The following UBAC2 variants were observed in gnomAD, a reference collection of about 807,000 sequenced individuals.
The protein encoded by UBAC2 is UBA domain containing 2, also known as ubiquitin-associated domain-containing protein 2.
In UBAC2, 26 loss-of-function variants were observed where a neutral mutation model predicts 44.0. The ratio of observed to expected loss-of-function variants is 0.59; its 90% CI spans 0.43 to 0.82. UBAC2 has a LOEUF of 0.82. Among genes scored for constraint, UBAC2 ranks in the 40% least tolerant of loss-of-function variants. The pLI, the probability that UBAC2 is intolerant of heterozygous loss-of-function variation, is 0.00. For synonymous variants in UBAC2, 155 were observed against 154.3 expected (o/e 1.00, Z -0.04); for missense variants, 329 against 419.4 (o/e 0.78, Z 1.88).
At chr13:99,269,511 A>T (rs1226130066) in intron 4 of UBAC2, among the ~76,000 whole-genome samples, 3 of 152,166 alleles carry the variant, frequency 2.0e-5, no homozygotes, top group Admixed American at 6.5e-5. Flanking sequence ...TTGCTTTCTT[A>T]TAAGCAAGGG....
intron 4 of UBAC2, among the ~76,000 whole-genome samples, chr13:99,294,071 G>C (rs1043914227): frequency 6.6e-6 from 1 of 152,108 alleles, no homozygotes; most frequent in African/African-American, 2.4e-5. Flanking sequence ...ATATTGTAAA[G>C]AATCCTAAGA....
intron 6 of UBAC2, among the ~76,000 whole-genome samples, chr13:99,322,163 G>T (rs941764453): frequency 6.6e-6 from 1 of 152,178 alleles, no homozygotes; most frequent in Non-Finnish European, 1.5e-5. Context: ...CGTATCAACT[G>T]TTCTTCTAGA....
At chr13:99,365,056 T>A (rs549532119) in intron 7 of UBAC2, among the ~76,000 whole-genome samples, 1 of 152,354 alleles carries the variant, frequency 6.6e-6, no homozygotes, top group African/African-American at 2.4e-5. Flanking sequence ...TTCTCTAGAA[T>A]AAGTTTTAAT....
chr13:99,358,682 G>A (rs1566520829), intron 7 of UBAC2, among the ~76,000 whole-genome samples: 1 of 152,174 alleles, frequency 6.6e-6, no homozygotes, highest in Non-Finnish European at 1.5e-5. Flanking sequence ...AGCCACCCCG[G>A]CCATGGACTG....
At chr13:99,214,240 T>C (rs1264411657) in intron 1 of UBAC2, among the ~76,000 whole-genome samples, 84 of 148,642 alleles carry the variant, frequency 5.7e-4, no homozygotes, top group Non-Finnish European at 9.1e-4. Context: ...TTTTTTTTTT[T>C]CCTGGAATCC....
chr13:99,248,843 A>C (rs1464982868), intron 4 of UBAC2, among the ~76,000 whole-genome samples: 1 of 152,082 alleles, frequency 6.6e-6, no homozygotes, highest in Non-Finnish European at 1.5e-5. Context: ...TCATTTCCTG[A>C]TGATTTATAG....
At chr13:99,205,168 C>G (rs1433225995) in intron 1 of UBAC2, among the ~76,000 whole-genome samples, 1 of 152,152 alleles carries the variant, frequency 6.6e-6, no homozygotes, top group Non-Finnish European at 1.5e-5. Flanking sequence ...TCCCAGAGTG[C>G]TGGGATTATA....
chr13:99,317,651 ATGGTGAT>A (rs1326173564), intron 5 of UBAC2, among the ~76,000 whole-genome samples: 2 of 152,214 alleles, frequency 1.3e-5, no homozygotes, highest in Non-Finnish European at 2.9e-5. Flanking sequence ...CAAGCATGGG[ATGGTGAT>A]TACCTGTTTT....
intron 1 of UBAC2, among the ~76,000 whole-genome samples, chr13:99,217,566 C>T (rs2043011130): frequency 6.6e-6 from 1 of 152,186 alleles, no homozygotes. Flanking sequence ...GGTCCTTGAA[C>T]ACAGGGAGGC....
chr13:99,343,993 A>C (rs1190939329), intron 7 of UBAC2, among the ~76,000 whole-genome samples: 1 of 152,206 alleles, frequency 6.6e-6, no homozygotes, highest in Non-Finnish European at 1.5e-5. Flanking sequence ...AGGTGTAAAA[A>C]AGATAGCCCC....
At chr13:99,365,649 G>T (rs1224107840) in intron 7 of UBAC2, among the ~76,000 whole-genome samples, 3 of 151,768 alleles carry the variant, frequency 2.0e-5, no homozygotes, top group East Asian at 3.9e-4. Context: ...TTATGATTTG[G>T]TATTTGTGAA....
chr13:99,295,024 C>T lies in UBAC2; in HGVS notation c.390-19073C>T, dbSNP rs1745681482. ...GGGAAGTCCTGCAAAGTTTGTCATA[C>T]AGTTTACGTCACTATAAACCAAAAT... On this transcript the variant is annotated intron_variant, in intron 4 of 8. Transcript: ENST00000403766. This position sits in a 1 kb window ranked among gnomAD's most constrained non-coding sequence, Gnocchi z 4.1. The T allele has an allele frequency of 1.3e-6, 2 of 1,565,350 alleles. No individual in the cohort carries two copies. Among genetic ancestry groups the T allele is most frequent in the Non-Finnish European group, 1.7e-6 (2 of 1,157,322 alleles).
intron 7 of UBAC2, among the ~76,000 whole-genome samples, chr13:99,364,773 C>A (rs1015865216): frequency 6.6e-6 from 1 of 152,154 alleles, no homozygotes; most frequent in Admixed American, 6.5e-5. Context: ...CATATTGTTG[C>A]ATGTCATTCT....
chr13:99,255,165 C>T lies in UBAC2; in HGVS notation c.389+10541C>T, dbSNP rs376966351. 1.9e-5 allele frequency: 30 copies of T among 1,613,898 alleles called. No individual in the cohort carries two copies. In the African/African-American group the frequency reaches 2.9e-4, roughly 16 times the overall value. ...AGCAGACGAGCACCTGCACCAGCAGCGTGATGATGATCCTTATGGACTTCT... is the reference window on the plus strand; with the variant it reads ...AGCAGACGAGCACCTGCACCAGCAGTGTGATGATGATCCTTATGGACTTCT... On this transcript the variant is annotated intron_variant, in intron 4 of 8. Transcript: ENST00000403766.
intron 2 of UBAC2, among the ~76,000 whole-genome samples, chr13:99,242,186 C>T (rs2043310256): frequency 1.3e-5 from 2 of 152,354 alleles, no homozygotes; most frequent in South Asian, 2.1e-4. Context: ...TTTTCCCCAC[C>T]TTTCCCCCCC....
intron 8 of UBAC2, among the ~76,000 whole-genome samples, chr13:99,384,522 T>G (rs12430175): frequency 0.036 from 5,529 of 152,180 alleles, 179 homozygotes; most frequent in Admixed American, 0.1. Context: ...CAATGCATGC[T>G]TGTTCCTCCC....
At chr13:99,302,498 AT>A (rs1390475364) in intron 4 of UBAC2, among the ~76,000 whole-genome samples, 3 of 152,216 alleles carry the variant, frequency 2.0e-5, no homozygotes, top group Non-Finnish European at 4.4e-5. Context: ...ACCTGGTTTG[AT>A]AAGTATTTGT....
intron 4 of UBAC2, among the ~76,000 whole-genome samples, chr13:99,285,061 A>G (rs1392191573): frequency 6.6e-6 from 1 of 152,166 alleles, no homozygotes; most frequent in Non-Finnish European, 1.5e-5. Flanking sequence ...TCATAATATC[A>G]TATTTCATAT....
intron 1 of UBAC2, among the ~76,000 whole-genome samples, chr13:99,226,490 A>G (rs1030533290): frequency 1.3e-5 from 2 of 152,210 alleles, no homozygotes; most frequent in Admixed American, 6.5e-5. Flanking sequence ...CTGGTTTACT[A>G]TCTTCCACCA....
Sources: gnomAD v4.1 joint callset for allele counts (sites outside exome capture counted in the v4.1 genomes callset) on GRCh38, gnomAD v4.1.1 for gene constraint, Gnocchi (gnomAD v3.1) non-coding constraint, MANE v1.5 for transcripts, NCBI Gene and HGNC (gene_info 2026-07-23, HGNC 2026-07-21) for gene names.